The following DIP2B variants were observed in gnomAD, a reference collection of about 807,000 sequenced individuals.
The protein encoded by DIP2B is disco-interacting protein 2 homolog B.
In DIP2B, 76 loss-of-function variants were observed where a neutral mutation model predicts 198.0. That is an observed-to-expected ratio of 0.38 (90% CI 0.32 to 0.46). DIP2B has a LOEUF of 0.46. Among genes scored for constraint, DIP2B ranks in the 20% least tolerant of loss-of-function variants. DIP2B has a pLI of 0.99. For missense variants in DIP2B, 1,559 were observed against 1,978.4 expected, an observed-to-expected ratio of 0.79 and a Z score of 4.02; for synonymous variants, 701 against 739.1, an observed-to-expected ratio of 0.95 and a Z score of 0.84.
rs1392740736 is a variant in DIP2B, at chr12:50,505,038, C to T, written c.-103C>T. 2 of 983,710 alleles carry T rather than the reference C, an allele frequency of 2.0e-6. No homozygotes were observed. Among genetic ancestry groups the T allele is most frequent in the Non-Finnish European group, 3.0e-6 (2 of 676,592 alleles). 60.9% of individuals were successfully genotyped at this position (983,710 alleles called of 1,614,324 possible). ...CGGCGGCGGCGGTGCTGGTGGTGCTCGGCGGCCGGAGCCGGATCCTGTAGC... is the reference window on the plus strand; with the variant it reads ...CGGCGGCGGCGGTGCTGGTGGTGCTTGGCGGCCGGAGCCGGATCCTGTAGC... On this transcript the variant is annotated 5_prime_UTR_variant, in exon 1 of 38. Transcript: ENST00000301180.
chr12:50,525,207 A>G (rs1958151931), intron 1 of DIP2B, among the ~76,000 whole-genome samples: 2 of 152,042 alleles, frequency 1.3e-5, no homozygotes, highest in African/African-American at 4.8e-5. Context: ...AATACAAAAA[A>G]ATTAGCTGGG....
At chr12:50,598,957 G>A (rs1304538579) in intron 1 of DIP2B, among the ~76,000 whole-genome samples, 2 of 83,214 alleles carry the variant, frequency 2.4e-5, no homozygotes, top group Non-Finnish European at 4.5e-5. Flanking sequence ...TAGATTCCTA[G>A]AAGAAGTATT....
At chr12:50,537,113 A>ATTT (rs1958275944) in intron 1 of DIP2B, among the ~76,000 whole-genome samples, 1 of 30,558 alleles carries the variant, frequency 3.3e-5, no homozygotes, top group Non-Finnish European at 5.9e-5. Context: ...ATTATTCTCT[A>ATTT]ATTTTTTTTT....
intron 1 of DIP2B, among the ~76,000 whole-genome samples, chr12:50,542,772 A>G (rs1201392781): frequency 6.6e-6 from 1 of 152,218 alleles, no homozygotes; most frequent in Non-Finnish European, 1.5e-5. Flanking sequence ...TTATGATTAA[A>G]CTGTTTCTCA....
chr12:50,639,090 A>AGT (rs11385825), intron 2 of DIP2B, among the ~76,000 whole-genome samples: 1 of 139,138 alleles, frequency 7.2e-6, no homozygotes, highest in African/African-American at 2.7e-5. Context: ...AGTCTCCACA[A>AGT]TTTTTTTTTT....
chr12:50,639,372 G>T (rs2139485229), intron 2 of DIP2B, among the ~76,000 whole-genome samples: 2 of 152,238 alleles, frequency 1.3e-5, no homozygotes, highest in East Asian at 3.9e-4. Context: ...TCACATGTTT[G>T]ATGCCTTGAC....
intron 2 of DIP2B, among the ~76,000 whole-genome samples, chr12:50,640,197 C>T (rs1168927875): frequency 6.6e-6 from 1 of 152,006 alleles, no homozygotes; most frequent in East Asian, 1.9e-4. Flanking sequence ...TTACCCCATC[C>T]CCATATTCTT....
At chr12:50,599,291 CAAA>C (rs531175439) in intron 1 of DIP2B, among the ~76,000 whole-genome samples, 12 of 99,728 alleles carry the variant, frequency 1.2e-4, no homozygotes, top group Non-Finnish European at 1.2e-4. Context: ...GACCCTGTCT[CAAA>C]AAAAAAAAAA....
chr12:50,642,779 A>G (rs1464716148), intron 3 of DIP2B, among the ~76,000 whole-genome samples: 2 of 151,924 alleles, frequency 1.3e-5, no homozygotes, highest in Non-Finnish European at 2.9e-5. Context: ...ACTGAGCGAG[A>G]CTCTGTCTCA....
chr12:50,644,720 G>C (rs557902825), intron 3 of DIP2B, among the ~76,000 whole-genome samples: 1 of 152,280 alleles, frequency 6.6e-6, no homozygotes, highest in Admixed American at 6.5e-5. Flanking sequence ...GATTCGTTTT[G>C]TAATCTGTTG....
At chr12:50,506,232 A>G (rs1957967444) in intron 1 of DIP2B, among the ~76,000 whole-genome samples, 1 of 152,102 alleles carries the variant, frequency 6.6e-6, no homozygotes. Flanking sequence ...TGATACCAGT[A>G]CTTTGATTGT....
At chr12:50,694,854 T>C (rs1939282817) in intron 14 of DIP2B, among the ~76,000 whole-genome samples, 1 of 152,058 alleles carries the variant, frequency 6.6e-6, no homozygotes, top group Non-Finnish European at 1.5e-5. Flanking sequence ...TGTGCCGCAG[T>C]TCAAAAAGAA....
intron 1 of DIP2B, among the ~76,000 whole-genome samples, chr12:50,622,115 G>T (rs1937825982): frequency 6.6e-6 from 1 of 152,180 alleles, no homozygotes; most frequent in Non-Finnish European, 1.5e-5. Context: ...TGCCAGGGTA[G>T]GGGGTGGAGG....
chr12:50,698,205 T>G, intron 17 of DIP2B, 123 bp from the exon 18 acceptor site: 1 of 1,241,018 alleles, frequency 8.1e-7, no homozygotes, highest in Non-Finnish European at 1.1e-6. Context: ...TTGGCATATT[T>G]TTGGGAGAGA....
At chr12:50,605,519 C>T (rs1398111207) in intron 1 of DIP2B, among the ~76,000 whole-genome samples, 1 of 152,130 alleles carries the variant, frequency 6.6e-6, no homozygotes, top group African/African-American at 2.4e-5. Context: ...GCTGAGATCA[C>T]ACCACTGCAC....
intron 1 of DIP2B, among the ~76,000 whole-genome samples, chr12:50,557,359 G>A (rs1050585010): frequency 6.6e-6 from 1 of 152,212 alleles, no homozygotes; most frequent in Non-Finnish European, 1.5e-5. Flanking sequence ...TGTGTGTGGT[G>A]CATGGACACA....
intron 15 of DIP2B, among the ~76,000 whole-genome samples, chr12:50,695,589 G>T (rs1039851476): frequency 6.6e-6 from 1 of 152,114 alleles, no homozygotes; most frequent in African/African-American, 2.4e-5. Flanking sequence ...TGACTGTCTT[G>T]GTATTCACAG....
chr12:50,700,504 T>C (rs1396054804), intron 19 of DIP2B, among the ~76,000 whole-genome samples: 1 of 152,192 alleles, frequency 6.6e-6, no homozygotes, highest in African/African-American at 2.4e-5. Context: ...ACTGTCCCAC[T>C]TGAAATCAGT....
At chr12:50,714,914 G>T (rs115394335) in intron 23 of DIP2B, among the ~76,000 whole-genome samples, 1 of 152,170 alleles carries the variant, frequency 6.6e-6, no homozygotes, top group Non-Finnish European at 1.5e-5. Flanking sequence ...TAATCTGGGC[G>T]ACAGAACCAG....
Sources: gnomAD v4.1 joint callset for allele counts (sites outside exome capture counted in the v4.1 genomes callset) on GRCh38, gnomAD v4.1.1 for gene constraint, MANE v1.5 for transcripts, NCBI Gene and HGNC (gene_info 2026-07-23, HGNC 2026-07-21) for gene names.